ZNF678: variants seen among roughly 807,000 people sequenced by gnomAD.
ZNF678 encodes the protein zinc finger protein 678.
Under a neutral mutation model 3.0 loss-of-function variants are expected in ZNF678, and 5 were observed. The ratio of observed to expected loss-of-function variants is 1.69; its 90% CI spans 0.88 to 3.56. The LOEUF (loss-of-function observed/expected upper bound fraction) is 3.56. Among genes scored for constraint, ZNF678 ranks in the 30% most tolerant of loss-of-function variants. The probability of loss-of-function intolerance (pLI) is 0.00; values close to 1 mark genes in which losing one functional copy is unlikely to be tolerated. For missense variants in ZNF678, 593 were observed against 605.0 expected (o/e 0.98, Z 0.21); for synonymous variants, 218 against 199.6 (o/e 1.09, Z -0.78).
chr1:227,595,081 G>T (rs1030102823), intron 1 of ZNF678, among the ~76,000 whole-genome samples: 1 of 151,974 alleles, frequency 6.6e-6, no homozygotes, highest in Non-Finnish European at 1.5e-5. Context: ...GTGTTATAGG[G>T]TTACGGAGAA....
intron 2 of ZNF678, among the ~76,000 whole-genome samples, chr1:227,650,006 C>A (rs2102800563): frequency 6.6e-6 from 1 of 152,124 alleles, no homozygotes; most frequent in African/African-American, 2.4e-5. Context: ...TGTGCAGATG[C>A]TTTTTAGTTT....
intron 1 of ZNF678, among the ~76,000 whole-genome samples, chr1:227,629,192 G>T (rs959361582): frequency 6.6e-6 from 1 of 152,162 alleles, no homozygotes; most frequent in African/African-American, 2.4e-5. Flanking sequence ...TCGGGTCTAA[G>T]GGGGTACTGC....
chr1:227,614,660 G>A (rs1658100796), intron 1 of ZNF678, among the ~76,000 whole-genome samples: 1 of 152,118 alleles, frequency 6.6e-6, no homozygotes, highest in Non-Finnish European at 1.5e-5. Context: ...CTTATTCAGC[G>A]CTCCTCTAGC....
At position 227,657,826 on chromosome 1, in the gene ZNF678, C is replaced by G. The variant is rs920505477; in HGVS notation, c.*1998C>G. 1 of 151,980 alleles carries G rather than the reference C, an allele frequency of 6.6e-6. No individual in the cohort carries two copies. Among genetic ancestry groups the G allele is most frequent in the African/African-American group, 2.4e-5 (1 of 41,440 alleles). The allele number at this position is 151,980 out of a possible 1,614,324, so 9.4% of individuals were successfully genotyped here. ...GGTAATTTACTAGCAAACTAGGAAT[C>G]TCAAAGATTCTGAAAGTAAATATTT... On this transcript the variant is annotated 3_prime_UTR_variant, in exon 4 of 4. Coordinates refer to ENST00000343776, the MANE Select transcript of ZNF678 (RefSeq NM_001367909.1).
At chr1:227,645,029 G>A (rs371980037) in intron 1 of ZNF678, among the ~76,000 whole-genome samples, 14 of 152,276 alleles carry the variant, frequency 9.2e-5, no homozygotes, top group African/African-American at 3.4e-4. Flanking sequence ...TTTTATTGTC[G>A]TAGCCAAAAT....
chr1:227,583,640 A>AG (rs1354065270), intron 1 of ZNF678, among the ~76,000 whole-genome samples: 4 of 152,204 alleles, frequency 2.6e-5, no homozygotes, highest in Non-Finnish European at 5.9e-5. Context: ...GATTATATTT[A>AG]GGGAAAAAAA....
rs184367644 is a variant in ZNF678, at chr1:227,671,994, T to A, written c.227-5185T>A. Reference sequence around the variant, plus strand: ...AGCTGATCTTGAAGGATGGGTAAGATTCAGAAATGCAGTGATGCAGAGAAA... The same window carrying A: ...AGCTGATCTTGAAGGATGGGTAAGAATCAGAAATGCAGTGATGCAGAGAAA... On this transcript the variant is annotated intron_variant, in intron 5 of 5. Transcript: ENST00000608949. Among the ~76,000 whole-genome samples, 344 of 152,272 alleles carry A rather than the reference T, an allele frequency of 2.3e-3. 3 individuals are homozygous for A. Among genetic ancestry groups the A allele is most frequent in the Non-Finnish European group, 1.1e-3 (75 of 68,028 alleles).
chr1:227,590,948 T>C (rs1222326764), intron 1 of ZNF678, among the ~76,000 whole-genome samples: 2 of 151,714 alleles, frequency 1.3e-5, no homozygotes, highest in Admixed American at 1.3e-4. Context: ...GGTGATTCTT[T>C]TGGGCCGGGA....
At chr1:227,605,621 T>C (rs543290664) in intron 1 of ZNF678, among the ~76,000 whole-genome samples, 5 of 152,234 alleles carry the variant, frequency 3.3e-5, no homozygotes, top group Non-Finnish European at 5.9e-5. Flanking sequence ...TGTTTAGGAT[T>C]ACAATCATAA....
Position 227,655,659 on chromosome 1 carries a change from T to A in ZNF678, c.1409T>A (p.Phe470Tyr), listed in dbSNP as rs763536274. 4.2e-5 allele frequency: 68 copies of A among 1,612,594 alleles called. No homozygotes were observed. The highest frequency in any genetic ancestry group is 5.4e-5 in the Non-Finnish European group (64 of 1,179,242). ...PYKCEECGKA[F>Y]NQFSSLTRHK... ...AAATGTGAAGAATGTGGCAAAGCCT[T>A]TAACCAGTTCTCAAGCCTTACTCGT... Residue 470 changes from phenylalanine (F) to tyrosine (Y), a missense_variant, in exon 4 of 4, where the codon TTT becomes TAT. Coordinates refer to ENST00000343776, the MANE Select transcript of ZNF678 (RefSeq NM_001367909.1).
intron 1 of ZNF678, among the ~76,000 whole-genome samples, chr1:227,624,553 G>A (rs1438103207): frequency 3.3e-5 from 5 of 152,200 alleles, no homozygotes; most frequent in Non-Finnish European, 5.9e-5. Context: ...TCCCGAGATG[G>A]TGGTGGACCA....
chr1:227,671,091 T>TC (rs1491449070), intron 5 of ZNF678, among the ~76,000 whole-genome samples: 5 of 108,688 alleles, frequency 4.6e-5, no homozygotes, highest in Non-Finnish European at 9.5e-5. Context: ...TTTTTTTTTT[T>TC]CTTAAGACAG....
At chr1:227,580,053 G>A (rs12033000) in intron 1 of ZNF678, among the ~76,000 whole-genome samples, 49,630 of 151,976 alleles carry the variant, frequency 0.33, 9,187 homozygotes, top group Middle Eastern at 0.44. Context: ...CTTCCTGCTC[G>A]GGGTTCCAGA....
chr1:227,600,245 A>G (rs901301063), intron 1 of ZNF678, among the ~76,000 whole-genome samples: 1 of 152,154 alleles, frequency 6.6e-6, no homozygotes, highest in African/African-American at 2.4e-5. Context: ...TGTCTTTGCT[A>G]TTGTAAATAG....
chr1:227,568,620 T>A (rs193177435), intron 1 of ZNF678, among the ~76,000 whole-genome samples: 1 of 152,304 alleles, frequency 6.6e-6, no homozygotes, highest in Non-Finnish European at 1.5e-5. Context: ...AACTGGTACA[T>A]GTTTTGCTGA....
chr1:227,658,707 G>A lies in ZNF678; in HGVS notation c.*2879G>A, dbSNP rs1659320605. 3 of 152,076 alleles carry A rather than the reference G, an allele frequency of 2.0e-5. No individual in the cohort carries two copies. The highest frequency in any genetic ancestry group is 4.2e-4 in the South Asian group (2 of 4,812). 9.4% of individuals were successfully genotyped at this position (152,076 alleles called of 1,614,324 possible). On this transcript the variant is annotated 3_prime_UTR_variant, in exon 4 of 4. Transcript: ENST00000343776. ...GTGAAAAATTGGATTTAACTGGAGAGTTTGAGGACATTTTTAAGTTAGAAA... is the reference window on the plus strand; with the variant it reads ...GTGAAAAATTGGATTTAACTGGAGAATTTGAGGACATTTTTAAGTTAGAAA...
At chr1:227,566,490 C>T (rs919566211) in intron 1 of ZNF678, among the ~76,000 whole-genome samples, 7 of 152,190 alleles carry the variant, frequency 4.6e-5, no homozygotes, top group African/African-American at 9.6e-5. Flanking sequence ...CCGTGAGGCA[C>T]AGTGCAGTGT....
At chr1:227,590,063 C>T (rs1657370674) in intron 1 of ZNF678, among the ~76,000 whole-genome samples, 1 of 151,760 alleles carries the variant, frequency 6.6e-6, no homozygotes, top group African/African-American at 2.4e-5. Flanking sequence ...GCGATGAAAC[C>T]TTTTACCATT....
chr1:227,587,676 T>C (rs1657296329), intron 1 of ZNF678, among the ~76,000 whole-genome samples: 1 of 152,208 alleles, frequency 6.6e-6, no homozygotes, highest in Non-Finnish European at 1.5e-5. Context: ...GTATCATCAC[T>C]GCATTTACAA....
Sources: gnomAD v4.1 joint callset for allele counts (sites outside exome capture counted in the v4.1 genomes callset) on GRCh38, gnomAD v4.1.1 for gene constraint, MANE v1.5 for transcripts, NCBI Gene and HGNC (gene_info 2026-07-23, HGNC 2026-07-21) for gene names.